The following HMBOX1 variants were observed in gnomAD, a reference collection of about 807,000 sequenced individuals.
HMBOX1 encodes homeobox-containing protein 1.
Under a neutral mutation model 54.5 loss-of-function variants are expected in HMBOX1, and 14 were observed. That is an observed-to-expected ratio of 0.26 (90% CI 0.17 to 0.40). The LOEUF (loss-of-function observed/expected upper bound fraction) is 0.40. Ranked by LOEUF, HMBOX1 falls within the 10% of genes least tolerant of loss-of-function variation. The pLI is 1.00. For synonymous variants in HMBOX1, 160 were observed against 181.0 expected (o/e 0.88, Z 0.93); for missense variants, 332 against 514.4 (o/e 0.65, Z 3.43).
At chr8:28,894,169 T>A (rs934500981) in intron 1 of HMBOX1, among the ~76,000 whole-genome samples, 4 of 152,252 alleles carry the variant, frequency 2.6e-5, no homozygotes, top group Admixed American at 2.6e-4. Flanking sequence ...TGTTAACAGT[T>A]GGCTTTTACT....
intron 4 of HMBOX1, among the ~76,000 whole-genome samples, chr8:28,992,599 G>A (rs906298591): frequency 5.3e-5 from 8 of 151,946 alleles, no homozygotes; most frequent in Non-Finnish European, 7.4e-5. Flanking sequence ...GGCTGGGCGC[G>A]GTGGCTCATG....
intron 5 of HMBOX1, among the ~76,000 whole-genome samples, chr8:29,013,579 T>TA (rs1421338760): frequency 6.6e-6 from 1 of 152,246 alleles, no homozygotes; most frequent in East Asian, 1.9e-4. Context: ...ATTGATATAG[T>TA]GTAGTTCTCT....
At chr8:28,944,671 C>T (rs892171609) in intron 1 of HMBOX1, among the ~76,000 whole-genome samples, 6 of 152,104 alleles carry the variant, frequency 3.9e-5, no homozygotes, top group Non-Finnish European at 7.4e-5. Context: ...GTACAGTTGT[C>T]ACTAATCATT....
chr8:28,927,349 G>C (rs1818701337), intron 1 of HMBOX1, among the ~76,000 whole-genome samples: 1 of 152,144 alleles, frequency 6.6e-6, no homozygotes, highest in Admixed American at 6.6e-5. Context: ...TTACTATAAA[G>C]GGATATCTGA....
chr8:28,926,302 T>C (rs35736334), intron 1 of HMBOX1, among the ~76,000 whole-genome samples: 5,636 of 143,498 alleles, frequency 0.039, 305 homozygotes, highest in African/African-American at 0.13. Flanking sequence ...TATATATATA[T>C]ATACACACAC....
At chr8:28,988,709 A>G (rs1219938317) in intron 4 of HMBOX1, among the ~76,000 whole-genome samples, 8 of 152,022 alleles carry the variant, frequency 5.3e-5, no homozygotes, top group Admixed American at 5.2e-4. Flanking sequence ...TTATATGATC[A>G]TTTGTTATTC....
chr8:29,020,349 GA>G (rs1469043833), intron 6 of HMBOX1, among the ~76,000 whole-genome samples: 1 of 152,030 alleles, frequency 6.6e-6, no homozygotes, highest in African/African-American at 2.4e-5. Context: ...GTCATCATGA[GA>G]AAGAATTAAG....
intron 4 of HMBOX1, among the ~76,000 whole-genome samples, chr8:28,997,997 AT>A (rs1832115521): frequency 2.6e-5 from 4 of 152,126 alleles, no homozygotes; most frequent in Admixed American, 1.3e-4. Flanking sequence ...TGCTTTAATT[AT>A]TTTTTATATG....
chr8:29,007,896 T>G (rs1173634653), intron 4 of HMBOX1, among the ~76,000 whole-genome samples: 1 of 152,134 alleles, frequency 6.6e-6, no homozygotes, highest in East Asian at 1.9e-4. Flanking sequence ...TTTCCTCAAA[T>G]TTTCTTTTGA....
At chr8:29,001,512 G>T (rs186200726) in intron 4 of HMBOX1, among the ~76,000 whole-genome samples, 2 of 152,102 alleles carry the variant, frequency 1.3e-5, no homozygotes, top group East Asian at 3.9e-4. Flanking sequence ...ATCATGCCGC[G>T]GCGCTTCAGC....
At chr8:29,002,816 G>C (rs1013740627) in intron 4 of HMBOX1, among the ~76,000 whole-genome samples, 1 of 152,148 alleles carries the variant, frequency 6.6e-6, no homozygotes, top group African/African-American at 2.4e-5. Context: ...TGTCCTGTGT[G>C]TATATATGCT....
intron 1 of HMBOX1, among the ~76,000 whole-genome samples, chr8:28,963,328 T>C (rs993724057): frequency 3.5e-4 from 54 of 152,320 alleles, no homozygotes; most frequent in African/African-American, 1.3e-3. Flanking sequence ...GGAACTTCAT[T>C]AGTGCTACAG....
intron 5 of HMBOX1, among the ~76,000 whole-genome samples, chr8:29,012,255 G>T (rs1465520371): frequency 6.6e-6 from 1 of 152,154 alleles, no homozygotes; most frequent in South Asian, 2.1e-4. Context: ...AGAATTTGGA[G>T]CTACTATTAT....
intron 2 of HMBOX1, among the ~76,000 whole-genome samples, chr8:28,968,047 T>G (rs1472636439): frequency 5.3e-5 from 8 of 152,224 alleles, no homozygotes; most frequent in African/African-American, 1.9e-4. Flanking sequence ...GATAAAACAA[T>G]CAGTGAAATG....
rs1238508905 is a variant in HMBOX1 at position 28,920,959 on chromosome 8, T to C, written c.-58+30281T>C. Among the ~76,000 whole-genome samples the C allele has an allele frequency of 9.8e-5, 15 of 152,346 alleles. No homozygotes were observed. In the East Asian group the frequency reaches 2.7e-3, roughly 27 times the overall value. On this transcript the variant is annotated intron_variant, in intron 1 of 9. Coordinates refer to ENST00000287701, the MANE Select transcript of HMBOX1 (RefSeq NM_001135726.3). ...AACTTTTATGGATTCCAGAATGATT[T>C]GTAATAAGTGGTACTAAATGCACTA...
chr8:29,014,692 C>A (rs1180555308), intron 5 of HMBOX1, among the ~76,000 whole-genome samples: 1 of 151,834 alleles, frequency 6.6e-6, no homozygotes, highest in Non-Finnish European at 1.5e-5. Flanking sequence ...TTTTTTCCCC[C>A]ACCCCGAGAT....
At position 28,993,716 on chromosome 8, in the gene HMBOX1, CT is replaced by C. The variant is rs1304926903; in HGVS notation, c.586+13561del. 3.9e-5 allele frequency among the ~76,000 whole-genome samples: 6 copies of C among 152,306 alleles called. No homozygotes were observed. The South Asian group carries it at 1.2e-3, about 32-fold the overall frequency. Reference sequence around the variant, plus strand: ...ATTATGTCACAGACTCAACAATAATCTGTACCGGCCAGATTCAATTCAGGGG... The same window carrying C: ...ATTATGTCACAGACTCAACAATAATCGTACCGGCCAGATTCAATTCAGGGG... On this transcript the variant is annotated intron_variant, in intron 4 of 9. Coordinates refer to ENST00000287701, the MANE Select transcript of HMBOX1 (RefSeq NM_001135726.3).
chr8:29,030,138 T>G (rs1420677921), intron 6 of HMBOX1, among the ~76,000 whole-genome samples: 1 of 152,042 alleles, frequency 6.6e-6, no homozygotes, highest in Non-Finnish European at 1.5e-5. Flanking sequence ...AGTATATGCT[T>G]TAGCATATCT....
chr8:28,923,887 G>A (rs1194793657), intron 1 of HMBOX1, among the ~76,000 whole-genome samples: 1 of 151,698 alleles, frequency 6.6e-6, no homozygotes, highest in African/African-American at 2.4e-5. Context: ...CTTTTCATGT[G>A]CTTATTGGTC....
Sources: gnomAD v4.1 joint callset for allele counts (sites outside exome capture counted in the v4.1 genomes callset) on GRCh38, gnomAD v4.1.1 for gene constraint, MANE v1.5 for transcripts, NCBI Gene and HGNC (gene_info 2026-07-23, HGNC 2026-07-21) for gene names.